The following NRXN3 variants were observed in gnomAD, a reference collection of about 807,000 sequenced individuals.
The protein encoded by NRXN3 is neurexin III.
A neutral mutation model predicts 137.6 loss-of-function variants in NRXN3; 32 were observed. The observed-to-expected ratio is 0.23, with a 90% CI of 0.18 to 0.31. The LOEUF (loss-of-function observed/expected upper bound fraction) is 0.31. NRXN3 is among the 10% of genes least tolerant of loss of function. The pLI is 1.00. For missense variants in NRXN3, 1,574 were observed against 2,062.5 expected, an observed-to-expected ratio of 0.76 and a Z score of 4.59; for synonymous variants, 798 against 784.5, an observed-to-expected ratio of 1.02 and a Z score of -0.29.
chr14:78,811,119 G>A (rs1382594133), intron 10 of NRXN3, among the ~76,000 whole-genome samples: 2 of 152,150 alleles, frequency 1.3e-5, no homozygotes, highest in Non-Finnish European at 2.9e-5. Context: ...AGGAACAAAG[G>A]AAGAAATATG....
intron 2 of NRXN3, among the ~76,000 whole-genome samples, chr14:78,268,724 C>T (rs147512720): frequency 3.2e-4 from 49 of 152,262 alleles, no homozygotes; most frequent in Admixed American, 6.5e-4. Flanking sequence ...GCCTTAGTTT[C>T]CTTGTCTGTT....
intron 10 of NRXN3, among the ~76,000 whole-genome samples, chr14:78,817,984 T>C (rs1178922900): frequency 6.6e-6 from 1 of 152,136 alleles, no homozygotes; most frequent in Non-Finnish European, 1.5e-5. Flanking sequence ...AAGGAATAAA[T>C]TTTTAATATC....
intron 15 of NRXN3, among the ~76,000 whole-genome samples, chr14:79,444,009 T>C (rs978042471): frequency 6.6e-6 from 1 of 152,160 alleles, no homozygotes; most frequent in Non-Finnish European, 1.5e-5. Flanking sequence ...GGAAAGTAGT[T>C]GTTGGCACTG....
At chr14:79,687,600 G>A (rs1172101276) in intron 17 of NRXN3, among the ~76,000 whole-genome samples, 3 of 152,116 alleles carry the variant, frequency 2.0e-5, no homozygotes, top group Non-Finnish European at 4.4e-5. Context: ...TTATTTCAGG[G>A]CTCAAGACAA....
intron 1 of NRXN3, among the ~76,000 whole-genome samples, chr14:78,184,447 G>A (rs1450449669): frequency 6.6e-6 from 1 of 152,216 alleles, no homozygotes; most frequent in Non-Finnish European, 1.5e-5. Context: ...AAGAGGGAAG[G>A]AAACACTGCA....
At chr14:78,629,210 G>A (rs908600237) in intron 4 of NRXN3, among the ~76,000 whole-genome samples, 13 of 152,182 alleles carry the variant, frequency 8.5e-5, no homozygotes, top group Admixed American at 2.0e-4. Flanking sequence ...TTATAGAATT[G>A]AGGAGACTAT....
intron 15 of NRXN3, among the ~76,000 whole-genome samples, chr14:79,416,222 T>A (rs2095494796): frequency 6.6e-6 from 1 of 152,122 alleles, no homozygotes; most frequent in African/African-American, 2.4e-5. Flanking sequence ...CTGGCAACCT[T>A]CTCTTTTGCT....
chr14:78,427,235 C>T (rs990325627), intron 4 of NRXN3, among the ~76,000 whole-genome samples: 2 of 152,112 alleles, frequency 1.3e-5, no homozygotes, highest in African/African-American at 4.8e-5. Flanking sequence ...CTCAACTTCC[C>T]CTGCAGGGAA....
intron 1 of NRXN3, among the ~76,000 whole-genome samples, chr14:78,192,166 AT>A (rs1291010260): frequency 6.6e-6 from 1 of 151,820 alleles, no homozygotes; most frequent in African/African-American, 2.4e-5. Context: ...TTGTCAGGAT[AT>A]TGTTACACTG....
chr14:79,262,890 C>T (rs1257840606), intron 15 of NRXN3, among the ~76,000 whole-genome samples: 1 of 152,124 alleles, frequency 6.6e-6, no homozygotes, highest in African/African-American at 2.4e-5. Context: ...TCGGACTCTA[C>T]TTTATCATCT....
chr14:78,699,702 C>T (rs1239626845), intron 6 of NRXN3, among the ~76,000 whole-genome samples: 1 of 152,176 alleles, frequency 6.6e-6, no homozygotes, highest in Admixed American at 6.5e-5. Flanking sequence ...ACCACCTATT[C>T]ACCTCATCTT....
intron 14 of NRXN3, among the ~76,000 whole-genome samples, chr14:78,973,475 T>C (rs892037705): frequency 3.9e-5 from 6 of 152,194 alleles, no homozygotes; most frequent in African/African-American, 1.4e-4. Context: ...ACTAATGTCA[T>C]TAAAATGTTT....
intron 15 of NRXN3, among the ~76,000 whole-genome samples, chr14:79,343,072 C>T (rs918981769): frequency 1.3e-5 from 2 of 151,992 alleles, no homozygotes; most frequent in Non-Finnish European, 2.9e-5. Context: ...CTGGTTGGAC[C>T]AGATTACCAG....
intron 10 of NRXN3, among the ~76,000 whole-genome samples, chr14:78,923,972 G>T (rs1473337525): frequency 1.3e-5 from 2 of 152,182 alleles, no homozygotes; most frequent in East Asian, 1.9e-4. Context: ...TAATACGGCT[G>T]GGCATGGTGG....
chr14:78,250,777 G>A (rs952922265), intron 2 of NRXN3, among the ~76,000 whole-genome samples: 1 of 152,178 alleles, frequency 6.6e-6, no homozygotes, highest in Non-Finnish European at 1.5e-5. Context: ...GGCCCTCAAT[G>A]TGGCATTTTA....
At chr14:78,911,215 T>A (rs1357235906) in intron 10 of NRXN3, among the ~76,000 whole-genome samples, 1 of 152,186 alleles carries the variant, frequency 6.6e-6, no homozygotes. Flanking sequence ...ATGAGAAAGC[T>A]GAGGTACAAT....
At chr14:78,196,227 C>T (rs899588498) in intron 1 of NRXN3, among the ~76,000 whole-genome samples, 1 of 152,246 alleles carries the variant, frequency 6.6e-6, no homozygotes, top group African/African-American at 2.4e-5. Flanking sequence ...GACTGTTTGG[C>T]CATGCCAGCA....
rs201443777 is a variant in NRXN3 at position 79,166,634 on chromosome 14, A to G, written c.3262+178493A>G. Among the ~76,000 whole-genome samples the G allele has an allele frequency of 7.9e-5, 12 of 151,622 alleles. No individual in the cohort carries two copies. The East Asian group carries it at 2.3e-3, about 30-fold the overall frequency. ...TTCTCTATTTTTAGTGCTGAGACCC[A>G]AGGATTAGTAAGATGGGCATTGGCA... On this transcript the variant is annotated intron_variant, in intron 15 of 20. Coordinates refer to ENST00000335750, the MANE Select transcript of NRXN3 (RefSeq NM_001330195.2).
At chr14:79,557,156 A>G (rs2097438148) in intron 16 of NRXN3, among the ~76,000 whole-genome samples, 2 of 152,068 alleles carry the variant, frequency 1.3e-5, no homozygotes, top group African/African-American at 2.4e-5. Flanking sequence ...TTGGTTTTCA[A>G]AGAATTCTGT....
Sources: gnomAD v4.1 joint callset for allele counts (sites outside exome capture counted in the v4.1 genomes callset) on GRCh38, gnomAD v4.1.1 for gene constraint, MANE v1.5 for transcripts, NCBI Gene and HGNC (gene_info 2026-07-23, HGNC 2026-07-21) for gene names.